GALNT18: variants seen among roughly 807,000 people sequenced by gnomAD.
GALNT18 encodes polypeptide N-acetylgalactosaminyltransferase 18.
GALNT18 carries 44 observed loss-of-function variants against 69.5 expected under a neutral mutation model. The ratio of observed to expected loss-of-function variants is 0.63; its 90% CI spans 0.50 to 0.81. The LOEUF is 0.81. Ranked by LOEUF, GALNT18 falls within the 40% of genes least tolerant of loss-of-function variation. GALNT18 has a pLI of 0.00. For missense variants in GALNT18, 715 were observed against 810.0 expected, an observed-to-expected ratio of 0.88 and a Z score of 1.42; for synonymous variants, 364 against 318.2, an observed-to-expected ratio of 1.14 and a Z score of -1.53.
rs146188840 is a variant in GALNT18, at chr11:11,616,985, C to T, written c.235+4374G>A. On this transcript the variant is annotated intron_variant, in intron 1 of 10. Coordinates refer to ENST00000227756, the MANE Select transcript of GALNT18 (RefSeq NM_198516.3). The surrounding 1 kb of genome is among the most constrained non-coding windows in gnomAD (Gnocchi z 4.4). ...TCATTGCAAAAGATCAGACAAAAAT[C>T]GTAACAATTTAGGCTACTACACTGA... 2.6e-5 allele frequency among the ~76,000 whole-genome samples: 4 copies of T among 152,108 alleles called. No homozygotes were observed. Among genetic ancestry groups the T allele is most frequent in the Non-Finnish European group, 4.4e-5 (3 of 67,998 alleles).
Position 11,479,291 on chromosome 11 carries a change from A to C in GALNT18, c.236-30355T>G, listed in dbSNP as rs140208641. ...AGGGAACAATATTTTCACAGTACATAATGTTAATACTGTCTACCGTTTTAA... is the reference window on the plus strand; with the variant it reads ...AGGGAACAATATTTTCACAGTACATCATGTTAATACTGTCTACCGTTTTAA... On this transcript the variant is annotated intron_variant, in intron 1 of 10. Transcript: ENST00000227756. Among the ~76,000 whole-genome samples, 381 of 152,320 alleles carry C rather than the reference A, an allele frequency of 2.5e-3. 1 individual carries two copies. Among genetic ancestry groups the C allele is most frequent in the South Asian group, 0.017 (82 of 4,822 alleles).
intron 1 of GALNT18, among the ~76,000 whole-genome samples, chr11:11,449,147 A>T (rs1855733406): frequency 6.6e-6 from 1 of 152,196 alleles, no homozygotes; most frequent in African/African-American, 2.4e-5. Context: ...CAGGCACAGG[A>T]GTTAGAGAAA....
At chr11:11,306,393 AG>A (rs1451398584) in intron 9 of GALNT18, among the ~76,000 whole-genome samples, 1 of 147,820 alleles carries the variant, frequency 6.8e-6, no homozygotes, top group African/African-American at 2.4e-5. Flanking sequence ...ATGTTAGCCC[AG>A]AAAAAAAAAT....
intron 10 of GALNT18, among the ~76,000 whole-genome samples, chr11:11,282,191 T>C (rs902648193): frequency 2.0e-5 from 3 of 151,860 alleles, no homozygotes; most frequent in Non-Finnish European, 2.9e-5. Context: ...TCTTCTTCTC[T>C]CGGAAAATTT....
intron 10 of GALNT18, among the ~76,000 whole-genome samples, chr11:11,277,368 T>C (rs1428447984): frequency 6.6e-6 from 1 of 152,214 alleles, no homozygotes; most frequent in Non-Finnish European, 1.5e-5. Context: ...CCCTTTATCA[T>C]TTTTTATTGC....
chr11:11,422,163 C>G (rs940624428), intron 3 of GALNT18, among the ~76,000 whole-genome samples: 1 of 152,210 alleles, frequency 6.6e-6, no homozygotes, highest in Non-Finnish European at 1.5e-5. Flanking sequence ...ATTCAATACT[C>G]AGAGTAGCCA....
At chr11:11,576,165 G>A (rs1049033860) in intron 1 of GALNT18, among the ~76,000 whole-genome samples, 1 of 152,164 alleles carries the variant, frequency 6.6e-6, no homozygotes, top group Non-Finnish European at 1.5e-5. Flanking sequence ...GGGAGCCCAG[G>A]CTGCCCTTCT....
intron 6 of GALNT18, among the ~76,000 whole-genome samples, chr11:11,365,109 C>A (rs965707678): frequency 1.3e-5 from 2 of 151,960 alleles, no homozygotes. Context: ...TGGTGGTTTG[C>A]TGCACCTATG....
intron 1 of GALNT18, among the ~76,000 whole-genome samples, chr11:11,490,747 C>A (rs112101922): frequency 6.6e-6 from 1 of 152,250 alleles, no homozygotes; most frequent in African/African-American, 2.4e-5. Context: ...GAAGGTCTGT[C>A]CTGGCAGATG....
Position 11,573,324 on chromosome 11 carries a change from T to G in GALNT18, c.235+48035A>C, listed in dbSNP as rs1858837397. ...AGCATCACAGTGCCTGTGGGAAGGCTGGGCAGACTGAAATAAAAGGGATTT... is the reference window on the plus strand; with the variant it reads ...AGCATCACAGTGCCTGTGGGAAGGCGGGGCAGACTGAAATAAAAGGGATTT... On this transcript the variant is annotated intron_variant, in intron 1 of 10. Transcript: ENST00000227756. This position sits in a 1 kb window ranked among gnomAD's most constrained non-coding sequence, Gnocchi z 4.6. Among the ~76,000 whole-genome samples, 1 of 152,228 alleles carries G rather than the reference T, an allele frequency of 6.6e-6. No individual in the cohort carries two copies. Among genetic ancestry groups the G allele is most frequent in the Non-Finnish European group, 1.5e-5 (1 of 68,040 alleles).
chr11:11,278,008 C>G (rs1210885727), intron 10 of GALNT18, among the ~76,000 whole-genome samples: 3 of 152,154 alleles, frequency 2.0e-5, no homozygotes, highest in African/African-American at 7.2e-5. Context: ...CTGTAGATGT[C>G]TATTAAGTCC....
intron 1 of GALNT18, among the ~76,000 whole-genome samples, chr11:11,490,955 G>T (rs1406073380): frequency 3.9e-5 from 6 of 152,238 alleles, no homozygotes; most frequent in Non-Finnish European, 8.8e-5. Context: ...GTACCCAAAG[G>T]TGGGCTCTGG....
chr11:11,351,440 C>A (rs1185962646), intron 6 of GALNT18, among the ~76,000 whole-genome samples: 1 of 152,192 alleles, frequency 6.6e-6, no homozygotes. Flanking sequence ...GAGGCCAGGG[C>A]TGCAGCCAGA....
At chr11:11,560,781 C>T (rs1259449985) in intron 1 of GALNT18, among the ~76,000 whole-genome samples, 1 of 152,228 alleles carries the variant, frequency 6.6e-6, no homozygotes, top group East Asian at 1.9e-4. Context: ...TCAGACCCCA[C>T]TGGGCCTCCA....
rs895300806 is a variant in GALNT18, at chr11:11,602,479, A to G, written c.235+18880T>C. Among the ~76,000 whole-genome samples, 1 of 152,126 alleles carries G rather than the reference A, an allele frequency of 6.6e-6. No individual in the cohort carries two copies. Among genetic ancestry groups the G allele is most frequent in the Non-Finnish European group, 1.5e-5 (1 of 68,014 alleles). The stretch of plus-strand genomic sequence containing the variant: ...AAAGCAGCACCCCGTCTTCTTGTCC[A>G]TATCTGTCCAGAGGAGAGCTTCTGT... On this transcript the variant is annotated intron_variant, in intron 1 of 10. Coordinates refer to ENST00000227756, the MANE Select transcript of GALNT18 (RefSeq NM_198516.3). This position sits in a 1 kb window ranked among gnomAD's most constrained non-coding sequence, Gnocchi z 4.7.
intron 1 of GALNT18, among the ~76,000 whole-genome samples, chr11:11,501,232 C>T (rs1856966309): frequency 1.3e-5 from 2 of 152,188 alleles, no homozygotes; most frequent in Admixed American, 1.3e-4. Flanking sequence ...CTTTGGTGTG[C>T]ACAGCACCCT....
chr11:11,293,638 C>G (rs1466345565), intron 9 of GALNT18, among the ~76,000 whole-genome samples: 1 of 148,232 alleles, frequency 6.7e-6, no homozygotes, highest in African/African-American at 2.5e-5. Context: ...ACCTCCCAGG[C>G]TCAAGTGATT....
At position 11,384,411 on chromosome 11, in the gene GALNT18, T is replaced by C. The variant is rs914758397; in HGVS notation, c.596-5147A>G. 2.0e-5 allele frequency among the ~76,000 whole-genome samples: 3 copies of C among 152,260 alleles called. 1 individual carries two copies. The highest frequency in any genetic ancestry group is 6.8e-3 in the Middle Eastern group (2 of 294). ...GTGTCTGGTGAGGGCCTTCTTGCTA[T>C]GTCCTCAAGTGGCAGCAGGGAGAAG... is the stretch of plus-strand genomic sequence containing the variant. On this transcript the variant is annotated intron_variant, in intron 3 of 10. Transcript: ENST00000227756.
intron 3 of GALNT18, among the ~76,000 whole-genome samples, chr11:11,422,769 G>A (rs1855039300): frequency 6.6e-6 from 1 of 152,068 alleles, no homozygotes; most frequent in Admixed American, 6.5e-5. Context: ...GGGATAATGG[G>A]GGTTCTGCAG....
Sources: allele counts gnomAD v4.1 joint callset (sites outside exome capture counted in the v4.1 genomes callset), GRCh38; gene constraint gnomAD v4.1.1; non-coding constraint Gnocchi (gnomAD v3.1); transcripts MANE v1.5; gene names NCBI Gene and HGNC (gene_info 2026-07-23, HGNC 2026-07-21).